KLF12: variants seen among roughly 807,000 people sequenced by gnomAD.
KLF12 encodes KLF transcription factor 12.
Under a neutral mutation model 37.8 loss-of-function variants are expected in KLF12, and 9 were observed. The ratio of observed to expected loss-of-function variants is 0.24; its 90% CI spans 0.14 to 0.42. The LOEUF (loss-of-function observed/expected upper bound fraction) is 0.42. Ranked by LOEUF, KLF12 falls within the 10% of genes least tolerant of loss-of-function variation. The probability of loss-of-function intolerance (pLI) is 1.00; values close to 1 mark genes in which losing one functional copy is unlikely to be tolerated. For synonymous variants in KLF12, 208 were observed against 202.1 expected (o/e 1.03, Z -0.25); for missense variants, 411 against 516.0 (o/e 0.80, Z 1.97).
At chr13:73,971,217 T>C (rs755856026) in intron 2 of KLF12, among the ~76,000 whole-genome samples, 3 of 152,190 alleles carry the variant, frequency 2.0e-5, no homozygotes, top group Non-Finnish European at 4.4e-5. Context: ...AAACTCTTCT[T>C]GCCAGAGACT....
chr13:73,738,120 T>TATACACACACATATATGTATGTGTAC (rs1877643679), intron 6 of KLF12, among the ~76,000 whole-genome samples: 4 of 70,502 alleles, frequency 5.7e-5, no homozygotes, highest in African/African-American at 8.8e-5. Flanking sequence ...TATATATATA[T>TATACACACACATATATGTATGTGTAC]ATATACACAC....
At chr13:74,066,925 T>A (rs940305105) in intron 1 of KLF12, among the ~76,000 whole-genome samples, 3 of 152,146 alleles carry the variant, frequency 2.0e-5, no homozygotes, top group Non-Finnish European at 4.4e-5. Flanking sequence ...TTGAAGACCA[T>A]TTTAAAGAAC....
intron 6 of KLF12, 33 bp downstream of exon 6, chr13:73,764,905 C>A: frequency 8.0e-7 from 1 of 1,252,088 alleles, no homozygotes; most frequent in Non-Finnish European, 1.2e-6. Flanking sequence ...TCCCGTAAGA[C>A]CTACAAATAC....
At chr13:73,917,757 T>C (rs1888913877) in intron 3 of KLF12, among the ~76,000 whole-genome samples, 1 of 152,230 alleles carries the variant, frequency 6.6e-6, no homozygotes, top group Admixed American at 6.5e-5. Flanking sequence ...CTGCTTTGAG[T>C]GTAAACTCTT....
chr13:74,071,119 T>G (rs1874212003), intron 1 of KLF12, among the ~76,000 whole-genome samples: 1 of 152,210 alleles, frequency 6.6e-6, no homozygotes, highest in Non-Finnish European at 1.5e-5. Context: ...ACTTACACTT[T>G]ATTCATCATG....
At chr13:74,154,368 A>C in the KLF12 span, among the ~76,000 whole-genome samples, 3 of 143,824 alleles carry the variant, frequency 2.1e-5, no homozygotes, top group African/African-American at 8.9e-5. Flanking sequence ...ATCCCTAGAC[A>C]AAAAAATTAT....
At chr13:73,886,134 A>C (rs1480507365) in intron 3 of KLF12, among the ~76,000 whole-genome samples, 1 of 152,166 alleles carries the variant, frequency 6.6e-6, no homozygotes, top group African/African-American at 2.4e-5. Flanking sequence ...GTCACCAGGT[A>C]CCAGTCTATG....
chr13:74,002,330 A>G (rs1487992332), intron 1 of KLF12, among the ~76,000 whole-genome samples: 1 of 152,198 alleles, frequency 6.6e-6, no homozygotes, highest in African/African-American at 2.4e-5. Context: ...TAAAAGTAAC[A>G]TTTGTTTAGA....
chr13:74,251,160 T>G, the KLF12 span, among the ~76,000 whole-genome samples: 6 of 152,234 alleles, frequency 3.9e-5, no homozygotes, highest in Admixed American at 3.9e-4. Context: ...TCTCTTTTTT[T>G]GTTTTTTTTG....
intron 1 of KLF12, among the ~76,000 whole-genome samples, chr13:74,100,631 A>ATC (rs773706084): frequency 6.6e-6 from 1 of 151,834 alleles, no homozygotes; most frequent in Non-Finnish European, 1.5e-5. Context: ...ATATATATAT[A>ATC]TATGTATAAA....
upstream of KLF12, among the ~76,000 whole-genome samples, chr13:74,138,195 A>C (rs1489192590): frequency 6.6e-6 from 1 of 152,262 alleles, no homozygotes; most frequent in African/African-American, 2.4e-5. Context: ...TTTAGCACTA[A>C]TACGATTTCA....
chr13:73,967,044 CA>C (rs1216399179), intron 2 of KLF12, among the ~76,000 whole-genome samples: 1 of 152,166 alleles, frequency 6.6e-6, no homozygotes, highest in Non-Finnish European at 1.5e-5. Context: ...TCACTTCTGA[CA>C]AGTTCCTTTG....
chr13:73,953,171 T>C (rs1299230495), intron 2 of KLF12, among the ~76,000 whole-genome samples: 2 of 152,188 alleles, frequency 1.3e-5, no homozygotes, highest in South Asian at 2.1e-4. Context: ...TATCTGGGTA[T>C]AGTATTTAAT....
At chr13:73,904,469 CTTT>C (rs11342071) in intron 3 of KLF12, among the ~76,000 whole-genome samples, 4,439 of 91,912 alleles carry the variant, frequency 0.048, 162 homozygotes, top group African/African-American at 0.16. Flanking sequence ...TCTTTCTTTC[CTTT>C]TTTTTTTTTT....
At chr13:74,142,599 C>T in the KLF12 span, among the ~76,000 whole-genome samples, 1 of 152,172 alleles carries the variant, frequency 6.6e-6, no homozygotes, top group South Asian at 2.1e-4. Context: ...TGTCTGACCA[C>T]TTCTCAGTTA....
At chr13:73,720,804 C>T (rs1280261481) in intron 6 of KLF12, among the ~76,000 whole-genome samples, 2 of 151,962 alleles carry the variant, frequency 1.3e-5, no homozygotes, top group Non-Finnish European at 2.9e-5. Context: ...TGTAATCAGC[C>T]GGTAATAAAA....
the KLF12 span, among the ~76,000 whole-genome samples, chr13:74,174,173 T>C: frequency 6.6e-6 from 1 of 152,142 alleles, no homozygotes; most frequent in Admixed American, 6.6e-5. Flanking sequence ...ATCCAATCTT[T>C]GCCATCTTTG....
chr13:73,981,620 C>T (rs573120859), intron 2 of KLF12, among the ~76,000 whole-genome samples: 1 of 152,064 alleles, frequency 6.6e-6, no homozygotes, highest in Non-Finnish European at 1.5e-5. Context: ...AATTATAATA[C>T]AAAATTCAGG....
intron 1 of KLF12, among the ~76,000 whole-genome samples, chr13:74,128,954 A>T (rs531414085): frequency 6.6e-5 from 10 of 152,136 alleles, no homozygotes; most frequent in Admixed American, 1.3e-4. Context: ...AGACTACAAA[A>T]ACACATGTAA....
Sources: gnomAD v4.1 joint callset for allele counts (sites outside exome capture counted in the v4.1 genomes callset) on GRCh38, gnomAD v4.1.1 for gene constraint, MANE v1.5 for transcripts, NCBI Gene and HGNC (gene_info 2026-07-23, HGNC 2026-07-21) for gene names.